Variants in NCOR1 observed in about 807,000 individuals in gnomAD.
NCOR1 encodes the protein nuclear receptor corepressor 1.
Under a neutral mutation model 288.1 loss-of-function variants are expected in NCOR1, and 63 were observed. That is an observed-to-expected ratio of 0.22 (90% CI 0.18 to 0.27). The LOEUF (loss-of-function observed/expected upper bound fraction) is 0.27, where lower values mean the gene tolerates loss of function less well. NCOR1 is among the 10% of genes least tolerant of loss of function. NCOR1 has a pLI of 1.00. For synonymous variants in NCOR1, 1,007 were observed against 1,065.9 expected (o/e 0.94, Z 1.08); for missense variants, 2,397 against 3,019.2 (o/e 0.79, Z 4.83).
At chr17:16,107,851 G>C (rs1436150590) in intron 19 of NCOR1, among the ~76,000 whole-genome samples, 1 of 151,882 alleles carries the variant, frequency 6.6e-6, no homozygotes, top group South Asian at 2.1e-4. Flanking sequence ...TTAAGGTTAG[G>C]GGTTGTTCAA....
intron 10 of NCOR1, among the ~76,000 whole-genome samples, chr17:16,145,083 T>A (rs2077688296): frequency 6.6e-6 from 1 of 152,198 alleles, no homozygotes; most frequent in Non-Finnish European, 1.5e-5. Flanking sequence ...TATTTTTTGG[T>A]GGAGACGGGG....
At position 16,071,477 on chromosome 17, in the gene NCOR1, G is replaced by C; in HGVS notation, c.4084C>G (p.Gln1362Glu). The change falls in exon 30 of 46, where the codon CAG (glutamine) becomes GAG (glutamate). Residue 1362 changes from glutamine (Q) to glutamate (E), a missense_variant. Transcript: ENST00000268712. ...HEIPRQDILTQESRKTPEVVQ... is the reference protein window; with the variant it reads ...HEIPRQDILTEESRKTPEVVQ... ...ACTTCTGGAGTTTTCCGACTTTCCT[G>C]AGTTAAAATATCTTGCCTTGGAATC... 6.2e-7 allele frequency: 1 copy of C among 1,614,156 alleles called. No individual in the cohort carries two copies. Among genetic ancestry groups the C allele is most frequent in the Non-Finnish European group, 8.5e-7 (1 of 1,180,024 alleles).
intron 8 of NCOR1, among the ~76,000 whole-genome samples, chr17:16,150,645 C>T (rs1203641611): frequency 6.6e-6 from 1 of 151,674 alleles, no homozygotes; most frequent in African/African-American, 2.4e-5. Context: ...CAGAGCTGCT[C>T]TCCAGACTGT....
chr17:16,033,336 CAAA>C (rs59285422), intron 45 of NCOR1, among the ~76,000 whole-genome samples: 6 of 57,430 alleles, frequency 1.0e-4, no homozygotes, highest in African/African-American at 2.3e-4. Context: ...ACTCCGTCTC[CAAA>C]AAAAAAAAAA....
chr17:16,118,658 T>C (rs953948331), intron 17 of NCOR1, among the ~76,000 whole-genome samples: 17 of 152,154 alleles, frequency 1.1e-4, no homozygotes, highest in African/African-American at 4.1e-4. Flanking sequence ...ATATAAGGGG[T>C]GATACAAAAA....
At chr17:16,137,581 C>T (rs906682192) in intron 13 of NCOR1, among the ~76,000 whole-genome samples, 169 bp from the exon 14 acceptor site, 9 of 152,076 alleles carry the variant, frequency 5.9e-5, no homozygotes, top group African/African-American at 2.2e-4. Flanking sequence ...AAATTATTTA[C>T]ATTATAGGTA....
intron 11 of NCOR1, among the ~76,000 whole-genome samples, chr17:16,140,840 A>G (rs1239844415): frequency 1.4e-5 from 2 of 145,764 alleles, no homozygotes; most frequent in African/African-American, 5.0e-5. Context: ...AAACAAACAA[A>G]AAGTTAGCCG....
intron 4 of NCOR1, among the ~76,000 whole-genome samples, chr17:16,166,537 G>A (rs1337987608): frequency 1.3e-5 from 2 of 152,014 alleles, no homozygotes; most frequent in African/African-American, 4.8e-5. Context: ...AAAATTAGCT[G>A]GGCGTGGTGG....
At chr17:16,114,171 T>C (rs2071045533) in intron 18 of NCOR1, among the ~76,000 whole-genome samples, 4 of 72,546 alleles carry the variant, frequency 5.5e-5, no homozygotes, top group Non-Finnish European at 6.5e-5. Context: ...AAAAAAAAAC[T>C]TGTGCAGGGG....
intron 42 of NCOR1, 116 bp downstream of exon 42, chr17:16,046,832 GTGT>G: frequency 8.5e-7 from 1 of 1,169,594 alleles, no homozygotes; most frequent in Non-Finnish European, 1.2e-6. Context: ...AGGATCAGAT[GTGT>G]TGGACAGATG....
chr17:16,041,558 C>G (rs2057640892), intron 42 of NCOR1, among the ~76,000 whole-genome samples: 1 of 150,846 alleles, frequency 6.6e-6, no homozygotes, highest in African/African-American at 2.4e-5. Context: ...GGATTATAGG[C>G]CCCCCGCCAC....
At chr17:16,066,472 T>G (rs1278179598) in intron 32 of NCOR1, among the ~76,000 whole-genome samples, 3 of 152,032 alleles carry the variant, frequency 2.0e-5, no homozygotes, top group African/African-American at 7.3e-5. Context: ...ATAATCCAAC[T>G]CAGGCTCAAA....
intron 22 of NCOR1, chr17:16,091,555 C>A: frequency 8.5e-7 from 1 of 1,171,332 alleles, no homozygotes; most frequent in East Asian, 4.8e-5. Flanking sequence ...ACAATTCTCA[C>A]TCTGAAAATT....
Position 16,179,979 on chromosome 17 carries a change from AC to A in NCOR1, c.242+6574del, listed in dbSNP as rs1461353925. Reference sequence around the variant, plus strand: ...TCTCAAAAAAAAAAAAAAAAAAAAAACAAACCTCAATAAAATATTAACAAAC... The same window carrying A: ...TCTCAAAAAAAAAAAAAAAAAAAAAAAAACCTCAATAAAATATTAACAAAC... On this transcript the variant is annotated intron_variant, in intron 3 of 45. Transcript: ENST00000268712. 3.0e-3 allele frequency among the ~76,000 whole-genome samples: 429 copies of A among 141,164 alleles called. 2 individuals are homozygous for A. Among genetic ancestry groups the A allele is most frequent in the African/African-American group, 9.3e-3 (363 of 38,926 alleles). 92.6% of individuals were successfully genotyped at this position (141,164 alleles called of 152,430 possible).
chr17:16,183,230 C>CA (rs59665102), intron 3 of NCOR1, among the ~76,000 whole-genome samples: 10,722 of 64,138 alleles, frequency 0.17, 1,245 homozygotes, highest in African/African-American at 0.39. Flanking sequence ...AGCAATCAAA[C>CA]AAAAAAAAAA....
In NCOR1 at chr17:16,064,153, A is replaced by G. The variant is rs1340223947; in HGVS notation, c.5136T>C (p.Ala1712=). ...CCCGCTCCCGTTCCCGTTCCCTCTC[A>G]GCACTTGCAGCAGCTGCAAGGTGTG... ...HPTHLAAAAS[A]EREREREREK... Residue 1712 remains alanine, a synonymous_variant, in exon 35 of 46, where the codon GCT becomes GCC. Transcript: ENST00000268712. The G allele has an allele frequency of 1.9e-6, 3 of 1,614,124 alleles. 1 individual carries two copies. Among genetic ancestry groups the G allele is most frequent in the South Asian group, 2.2e-5 (2 of 91,076 alleles).
intron 42 of NCOR1, chr17:16,044,999 G>GAAA: frequency 4.8e-5 from 14 of 294,046 alleles, no homozygotes; most frequent in East Asian, 7.5e-5. Flanking sequence ...CTGAACTTAA[G>GAAA]AAAAAAAAAA....
At chr17:16,040,292 G>A in intron 43 of NCOR1, 149 bp downstream of exon 43, 1 of 733,568 alleles carries the variant, frequency 1.4e-6, no homozygotes, top group Non-Finnish European at 2.4e-6. Context: ...GTGCTACTGG[G>A]TAAACCTTCC....
chr17:16,165,047 T>G lies in NCOR1; in HGVS notation c.550A>C (p.Ser184Arg). 1 of 1,607,842 alleles carries G rather than the reference T, an allele frequency of 6.2e-7. No individual in the cohort carries two copies. Among genetic ancestry groups the G allele is most frequent in the Middle Eastern group, 1.7e-4 (1 of 6,002 alleles). Residue 184 changes from serine to arginine, a missense_variant, in exon 5 of 46, where the codon AGT becomes CGT. Ser to Arg is a moderately radical substitution (Grantham distance 110). This residue lies in a region of NCOR1 where 5 missense variants were observed against 32.6 expected (regional missense o/e 0.15). Transcript: ENST00000268712. ...ATTTCTCGATCTACACGATCCATAC[T>G]CTGTATTAACTCTTCCTTTGAGAGT... is the stretch of plus-strand genomic sequence containing the variant. ...SKLSKEELIQSMDRVDREIAK... is the reference protein window; with the variant it reads ...SKLSKEELIQRMDRVDREIAK...
Sources: allele counts gnomAD v4.1 joint callset (sites outside exome capture counted in the v4.1 genomes callset), GRCh38; gene constraint gnomAD v4.1.1; regional missense constraint gnomAD v4.1.1; transcripts MANE v1.5; gene names NCBI Gene and HGNC (gene_info 2026-07-23, HGNC 2026-07-21).